PPFIA2: variants seen among roughly 807,000 people sequenced by gnomAD.
PPFIA2 encodes the protein PPFI scaffold protein A2.
A neutral mutation model predicts 175.5 loss-of-function variants in PPFIA2; 46 were observed. The observed-to-expected ratio is 0.26, with a 90% CI of 0.21 to 0.34. The LOEUF is 0.34. Ranked by LOEUF, PPFIA2 falls within the 10% of genes least tolerant of loss-of-function variation. The probability of loss-of-function intolerance (pLI) is 1.00; values close to 1 mark genes in which losing one functional copy is unlikely to be tolerated. For synonymous variants in PPFIA2, 568 were observed against 511.4 expected (o/e 1.11, Z -1.49); for missense variants, 1,179 against 1,506.1 (o/e 0.78, Z 3.60).
chr12:81,507,554 T>C (rs2061314294), intron 4 of PPFIA2, among the ~76,000 whole-genome samples: 1 of 152,178 alleles, frequency 6.6e-6, no homozygotes, highest in South Asian at 2.1e-4. Context: ...AATTAGCTCC[T>C]CTCTTTTATT....
chr12:81,423,667 T>A (rs1424442453), intron 7 of PPFIA2, among the ~76,000 whole-genome samples: 1 of 152,196 alleles, frequency 6.6e-6, no homozygotes, highest in Non-Finnish European at 1.5e-5. Context: ...CTGAAAGCTT[T>A]CCTTCTAAGA....
chr12:81,392,902 A>G (rs759591512), intron 8 of PPFIA2, among the ~76,000 whole-genome samples: 15 of 151,880 alleles, frequency 9.9e-5, no homozygotes, highest in Non-Finnish European at 1.8e-4. Context: ...CTTTTATACA[A>G]TCTATGAGAA....
rs1199627249 is a variant in PPFIA2 at position 81,267,903 on chromosome 12, G to A, written c.3486+9C>T. On this transcript the variant is annotated intron_variant, in intron 29 of 32. Transcript: ENST00000549396. The stretch of plus-strand genomic sequence containing the variant: ...GAACACATTGAGACTACAGCAGAAA[G>A]TGACTTGCCTGGGTGTTCTGTGTTG... 12 of 1,582,308 alleles carry A rather than the reference G, an allele frequency of 7.6e-6. No homozygotes were observed. In the South Asian group the frequency reaches 1.3e-4, roughly 17 times the overall value.
chr12:81,738,932 C>G (rs552104890), intron 3 of PPFIA2, among the ~76,000 whole-genome samples: 5 of 151,812 alleles, frequency 3.3e-5, no homozygotes, highest in African/African-American at 1.2e-4. Context: ...TGCTCTAATA[C>G]TATTACTACT....
At chr12:81,654,826 T>C (rs1470232825) in intron 4 of PPFIA2, among the ~76,000 whole-genome samples, 4 of 152,090 alleles carry the variant, frequency 2.6e-5, no homozygotes, top group Admixed American at 2.0e-4. Flanking sequence ...TGAATACACC[T>C]AATAAAACAA....
At chr12:81,546,347 C>T (rs1308725553) in intron 4 of PPFIA2, 1 of 152,112 alleles carries the variant, frequency 6.6e-6, no homozygotes, top group African/African-American at 2.4e-5. Flanking sequence ...ATCACTCTCA[C>T]ATTCCCATGG....
chr12:81,404,559 T>A (rs2142875363), intron 8 of PPFIA2, among the ~76,000 whole-genome samples: 1 of 152,296 alleles, frequency 6.6e-6, no homozygotes, highest in Non-Finnish European at 1.5e-5. Flanking sequence ...GTTATTCTAA[T>A]CTCAGATAAA....
intron 4 of PPFIA2, among the ~76,000 whole-genome samples, chr12:81,486,223 G>A (rs1259817881): frequency 6.6e-6 from 1 of 151,590 alleles, no homozygotes; most frequent in African/African-American, 2.4e-5. Context: ...TACATGTAGG[G>A]AAATAGTGGC....
At chr12:81,591,149 C>T (rs2058631077) in intron 4 of PPFIA2, among the ~76,000 whole-genome samples, 1 of 47,770 alleles carries the variant, frequency 2.1e-5, no homozygotes, top group African/African-American at 7.3e-5. Flanking sequence ...AAAGGTGACC[C>T]TTGTTATGTT....
At chr12:81,377,674 C>A (rs549312437) in intron 9 of PPFIA2, among the ~76,000 whole-genome samples, 1 of 152,256 alleles carries the variant, frequency 6.6e-6, no homozygotes, top group East Asian at 1.9e-4. Context: ...ATTCTCCTTA[C>A]TTTTCCTCCA....
rs1024388922 is a variant in PPFIA2, at chr12:81,353,032, C to A, written c.1994+87G>T. 3.2e-5 allele frequency: 38 copies of A among 1,183,768 alleles called. No individual in the cohort carries two copies. The Middle Eastern group carries it at 5.8e-4, about 18-fold the overall frequency. 73.3% of individuals were successfully genotyped at this position (1,183,768 alleles called of 1,614,324 possible). On this transcript the variant is annotated intron_variant, in intron 17 of 32. Coordinates refer to ENST00000549396, the MANE Select transcript of PPFIA2 (RefSeq NM_003625.5). ...AGATCTATTAAGCTCCCAGTTAATG[C>A]TAATGCTTCTGATCTAGTAATTACA...
At chr12:81,512,136 G>T in intron 4 of PPFIA2, 1 of 301,352 alleles carries the variant, frequency 3.3e-6, no homozygotes, top group Non-Finnish European at 6.3e-6. Flanking sequence ...GTTTTTTTCT[G>T]TAGTGTCCGT....
chr12:81,714,907 A>T (rs2153620705), intron 3 of PPFIA2, among the ~76,000 whole-genome samples: 1 of 151,230 alleles, frequency 6.6e-6, no homozygotes, highest in Middle Eastern at 3.4e-3. Flanking sequence ...AATGCTTGAT[A>T]GGAATTGCTC....
chr12:81,483,923 T>A (rs2058529311), intron 4 of PPFIA2, among the ~76,000 whole-genome samples: 1 of 152,018 alleles, frequency 6.6e-6, no homozygotes, highest in Non-Finnish European at 1.5e-5. Context: ...CCTCCCTTTT[T>A]TTTGGGTTTG....
At chr12:81,546,115 C>T (rs543773554) in intron 4 of PPFIA2, 1 of 115,632 alleles carries the variant, frequency 8.6e-6, no homozygotes, top group East Asian at 2.5e-4. Context: ...CAGAGTGAGA[C>T]TGTGTCTCAA....
At chr12:81,708,950 T>C (rs2077543568) in intron 3 of PPFIA2, among the ~76,000 whole-genome samples, 1 of 152,222 alleles carries the variant, frequency 6.6e-6, no homozygotes. Flanking sequence ...ATTTTAAAGA[T>C]AAAATTGTTC....
At chr12:81,411,377 C>G (rs2043935012) in intron 7 of PPFIA2, among the ~76,000 whole-genome samples, 1 of 152,026 alleles carries the variant, frequency 6.6e-6, no homozygotes, top group African/African-American at 2.4e-5. Flanking sequence ...TTTGTGTTTT[C>G]TGGTTGCTCA....
At chr12:81,631,355 A>G (rs1386543718) in intron 4 of PPFIA2, among the ~76,000 whole-genome samples, 1 of 152,170 alleles carries the variant, frequency 6.6e-6, no homozygotes, top group Non-Finnish European at 1.5e-5. Flanking sequence ...GAAAAAAAAT[A>G]CTGCTCAAGA....
chr12:81,630,015 G>A (rs1012637477), intron 4 of PPFIA2, among the ~76,000 whole-genome samples: 2 of 152,180 alleles, frequency 1.3e-5, no homozygotes, highest in African/African-American at 2.4e-5. Context: ...AGGAGTTCAA[G>A]GGTGAGAGAG....
Sources: allele counts gnomAD v4.1 joint callset (sites outside exome capture counted in the v4.1 genomes callset), GRCh38; gene constraint gnomAD v4.1.1; transcripts MANE v1.5; gene names NCBI Gene and HGNC (gene_info 2026-07-23, HGNC 2026-07-21).